PUM3: variants seen among roughly 807,000 people sequenced by gnomAD.
The protein encoded by PUM3 is pumilio RNA binding family member 3.
In PUM3, 91 loss-of-function variants were observed where a neutral mutation model predicts 84.0. The observed-to-expected ratio is 1.08, with a 90% CI of 0.91 to 1.29. The LOEUF (loss-of-function observed/expected upper bound fraction) is 1.29. Ranked by LOEUF, PUM3 falls within the 50% of genes most tolerant of loss-of-function variation. The probability of loss-of-function intolerance (pLI) is 0.00; values close to 1 mark genes in which losing one functional copy is unlikely to be tolerated. For synonymous variants in PUM3, 321 were observed against 266.7 expected, an observed-to-expected ratio of 1.20 and a Z score of -1.98; for missense variants, 1,067 against 767.5, an observed-to-expected ratio of 1.39 and a Z score of -4.61.
At chr9:2,804,851 T>C (rs1821228586) in intron 17 of PUM3, among the ~76,000 whole-genome samples, 1 of 152,200 alleles carries the variant, frequency 6.6e-6, no homozygotes, top group Non-Finnish European at 1.5e-5. Flanking sequence ...ATTTATTTCA[T>C]GATGCTACAT....
intron 5 of PUM3, 137 bp from the exon 6 acceptor site, chr9:2,831,481 G>T: frequency 1.6e-6 from 1 of 632,126 alleles, no homozygotes; most frequent in South Asian, 1.9e-5. Context: ...AGATTACTGA[G>T]AACTACTTGT....
At position 2,811,259 on chromosome 9, in the gene PUM3, G is replaced by A; in HGVS notation, c.1635+102C>T. 3 of 857,036 alleles carry A rather than the reference G, an allele frequency of 3.5e-6. No individual in the cohort carries two copies. In the Admixed American group the frequency reaches 5.9e-5, roughly 17 times the overall value. The allele number at this position is 857,036 out of a possible 1,614,324, so 53.1% of individuals were successfully genotyped here. A position where few individuals can be genotyped will look rare whatever the true frequency, so the allele number is the denominator to read the frequency against. On this transcript the variant is annotated intron_variant, in intron 15 of 17. Coordinates refer to ENST00000397885, the MANE Select transcript of PUM3 (RefSeq NM_014878.5). The stretch of plus-strand genomic sequence containing the variant: ...AGGTTCTTGGTTGTTTATTCAACAG[G>A]TATCTCCCTCCCCAGCTTTCTTACT...
Position 2,828,656 on chromosome 9 carries a change from A to C in PUM3, c.956+19T>G, listed in dbSNP as rs906401912. The C allele has an allele frequency of 9.8e-6, 14 of 1,434,234 alleles. No individual in the cohort carries two copies. Among genetic ancestry groups the C allele is most frequent in the Non-Finnish European group, 1.1e-5 (11 of 1,019,972 alleles). The allele number at this position is 1,434,234 out of a possible 1,614,324, so 88.8% of individuals were successfully genotyped here. On this transcript the variant is annotated intron_variant, in intron 9 of 17. Transcript: ENST00000397885. ...TTGAATGTCATTTCTTAAGAACAAA[A>C]CAAAAACAACTTTCTTACTTTTGGG...
At position 2,829,978 on chromosome 9, in the gene PUM3, A is replaced by G. The variant is rs374227406; in HGVS notation, c.678-30T>C. The G allele has an allele frequency of 5.1e-6, 8 of 1,583,542 alleles. No individual in the cohort carries two copies. The East Asian group carries it at 6.8e-5, about 13-fold the overall frequency. ...ACGCAACACAATCATGGAAAAATAA[A>G]TGATAGAAGGAGAAAGCTGGGTGAC... is the stretch of plus-strand genomic sequence containing the variant. On this transcript the variant is annotated intron_variant, in intron 7 of 17. Coordinates refer to ENST00000397885, the MANE Select transcript of PUM3 (RefSeq NM_014878.5).
chr9:2,830,687 T>C (rs974202410), intron 7 of PUM3, among the ~76,000 whole-genome samples: 14 of 152,180 alleles, frequency 9.2e-5, no homozygotes, highest in African/African-American at 3.1e-4. Context: ...AATCAGAAGG[T>C]GAGGGTATAC....
At chr9:2,839,875 T>C (rs1816224000) in intron 1 of PUM3, among the ~76,000 whole-genome samples, 1 of 152,234 alleles carries the variant, frequency 6.6e-6, no homozygotes, top group African/African-American at 2.4e-5. Flanking sequence ...ACAAAAGAGT[T>C]GAAAAGATAC....
chr9:2,807,567 C>T (rs932316122), intron 17 of PUM3, among the ~76,000 whole-genome samples: 6 of 123,574 alleles, frequency 4.9e-5, no homozygotes, highest in East Asian at 2.7e-4. Context: ...CGTGACACTG[C>T]ACTCCAGCCT....
intron 13 of PUM3, among the ~76,000 whole-genome samples, chr9:2,817,736 C>G (rs1821500693): frequency 6.6e-6 from 1 of 152,272 alleles, no homozygotes; most frequent in Admixed American, 6.5e-5. Context: ...AGGGCTTAAA[C>G]TTGAACTGTA....
chr9:2,810,194 AC>A (rs1315355334), intron 16 of PUM3, 149 bp downstream of exon 16: 2 of 614,390 alleles, frequency 3.3e-6, no homozygotes, highest in African/African-American at 3.8e-5. Flanking sequence ...ATTACCAGCA[AC>A]CACTGAATCA....
intron 13 of PUM3, among the ~76,000 whole-genome samples, chr9:2,817,029 C>T (rs1280668700): frequency 6.6e-6 from 1 of 152,208 alleles, no homozygotes; most frequent in Non-Finnish European, 1.5e-5. Flanking sequence ...ACACGTGACT[C>T]TCTATATAAA....
chr9:2,808,040 T>C, intron 16 of PUM3, 136 bp from the exon 17 acceptor site: 1 of 605,834 alleles, frequency 1.7e-6, no homozygotes, highest in Non-Finnish European at 2.9e-6. Context: ...CAATCTCCCT[T>C]TTAACACAAA....
intron 1 of PUM3, among the ~76,000 whole-genome samples, chr9:2,843,367 C>T (rs1369607699): frequency 1.3e-5 from 2 of 152,060 alleles, no homozygotes; most frequent in African/African-American, 2.4e-5. Context: ...CCACTATCTG[C>T]CAACTCAGCA....
intron 13 of PUM3, among the ~76,000 whole-genome samples, chr9:2,819,682 C>A (rs1821546341): frequency 1.3e-5 from 2 of 152,162 alleles, no homozygotes; most frequent in Admixed American, 1.3e-4. Context: ...ATGCTAGTTT[C>A]TGATCATATC....
chr9:2,818,272 G>C (rs116252517), intron 13 of PUM3, among the ~76,000 whole-genome samples: 1 of 152,190 alleles, frequency 6.6e-6, no homozygotes, highest in East Asian at 1.9e-4. Context: ...GAAAGAGATC[G>C]GCAAATCAGG....
chr9:2,843,972 A>C, intron 1 of PUM3, 73 bp downstream of exon 1: 1 of 153,592 alleles, frequency 6.5e-6, no homozygotes, highest in Non-Finnish European at 1.5e-5. Flanking sequence ...GCCCCGAGAG[A>C]CCTTCCCGAC....
intron 9 of PUM3, 30 bp from the exon 10 acceptor site, chr9:2,827,181 A>C: frequency 1.3e-6 from 2 of 1,523,262 alleles, no homozygotes; most frequent in Admixed American, 3.5e-5. Context: ...GCAAAAAGAC[A>C]CAACAGATCT....
At chr9:2,828,799 C>T in intron 8 of PUM3, 21 bp from the exon 9 acceptor site, 1 of 1,271,474 alleles carries the variant, frequency 7.9e-7, no homozygotes, top group South Asian at 1.2e-5. Context: ...ACAAAACAAT[C>T]AAACCCCTCT....
rs200776122 is a variant in PUM3 at position 2,804,331 on chromosome 9, C to G, written c.1947G>C (p.Ter649TyrextTer10). 6.2e-7 allele frequency: 1 copy of G among 1,612,766 alleles called. No individual in the cohort carries two copies. Among genetic ancestry groups the G allele is most frequent in the East Asian group, 2.2e-5 (1 of 44,860 alleles). ...IEILLEKLST[*>Y] ...CCATCTTGCTCTTAACTCTTTCCAC[C>G]TATGTGCTCAGTTTTTCAAGTAGAA... Residue 649 changes from the stop codon to tyrosine (Y), a stop_lost, in exon 18 of 18, where the codon TAG becomes TAC. Coordinates refer to ENST00000397885, the MANE Select transcript of PUM3 (RefSeq NM_014878.5).
At chr9:2,818,019 C>T (rs994509991) in intron 13 of PUM3, among the ~76,000 whole-genome samples, 11 of 152,158 alleles carry the variant, frequency 7.2e-5, no homozygotes, top group Non-Finnish European at 4.4e-5. Context: ...TTTTGAAAGG[C>T]GAAGAGCTCA....
Sources: allele counts gnomAD v4.1 joint callset (sites outside exome capture counted in the v4.1 genomes callset), GRCh38; gene constraint gnomAD v4.1.1; transcripts MANE v1.5; gene names NCBI Gene and HGNC (gene_info 2026-07-23, HGNC 2026-07-21).